The following BFSP2 variants were observed in gnomAD, a reference collection of about 807,000 sequenced individuals.
BFSP2 encodes phakinin.
Under a neutral mutation model 44.9 loss-of-function variants are expected in BFSP2, and 38 were observed. The ratio of observed to expected loss-of-function variants is 0.85; its 90% CI spans 0.65 to 1.11. The LOEUF (loss-of-function observed/expected upper bound fraction) is 1.11. Ranked by LOEUF, BFSP2 falls within the 50% of genes least tolerant of loss-of-function variation. BFSP2 has a pLI of 0.00. For missense variants in BFSP2, 525 were observed against 533.0 expected (o/e 0.99, Z 0.15); for synonymous variants, 197 against 209.9 (o/e 0.94, Z 0.53).
intron 1 of BFSP2, among the ~76,000 whole-genome samples, chr3:133,432,006 C>A (rs374516787): frequency 4.6e-5 from 7 of 151,780 alleles, no homozygotes; most frequent in Non-Finnish European, 1.0e-4. Flanking sequence ...CCCACCTTAA[C>A]CCACAAGTAT....
rs575351508 is a variant in BFSP2, at chr3:133,418,317, A to G, written c.489+17745A>G. Among the ~76,000 whole-genome samples, 7 of 152,250 alleles carry G rather than the reference A, an allele frequency of 4.6e-5. 1 individual carries two copies. The highest frequency in any genetic ancestry group is 1.7e-4 in the African/African-American group (7 of 41,542). ...CAGCTCTGAGGAGAAAGGTTAGGTG[A>G]TGGAGAGATTTATTATCACTCACCC... On this transcript the variant is annotated intron_variant, in intron 1 of 6. Coordinates refer to ENST00000302334, the MANE Select transcript of BFSP2 (RefSeq NM_003571.4).
intron 1 of BFSP2, chr3:133,429,742 A>G (rs2073690081): frequency 8.3e-6 from 1 of 120,814 alleles, no homozygotes; most frequent in Non-Finnish European, 1.7e-5. Flanking sequence ...AGATAAAAAT[A>G]CAAAATGTAA....
intron 1 of BFSP2, among the ~76,000 whole-genome samples, chr3:133,403,986 C>G (rs1342343710): frequency 1.2e-5 from 1 of 85,494 alleles, no homozygotes; most frequent in Admixed American, 1.1e-4. Context: ...GAAGGCCGTC[C>G]TGGGGAGGGG....
At chr3:133,450,019 A>AAGGAAGGAAGGAAGGAAGGAAGGG (rs1559976147) in intron 3 of BFSP2, among the ~76,000 whole-genome samples, 1 of 91,988 alleles carries the variant, frequency 1.1e-5, no homozygotes, top group African/African-American at 4.5e-5. Context: ...GGAAGGAAGG[A>AAGGAAGGAAGGAAGGAAGGAAGGG]GGGAGGGAGG....
chr3:133,421,847 G>A (rs1000728460), intron 1 of BFSP2, among the ~76,000 whole-genome samples: 14 of 152,170 alleles, frequency 9.2e-5, no homozygotes, highest in Non-Finnish European at 1.8e-4. Flanking sequence ...GGTGGCTCAC[G>A]CCCGTAATCC....
Position 133,473,414 on chromosome 3 carries a change from G to A in BFSP2, c.1244+849G>A, listed in dbSNP as rs2074184909. Among the ~76,000 whole-genome samples the A allele has an allele frequency of 3.9e-5, 5 of 128,586 alleles. No homozygotes were observed. In the South Asian group the frequency reaches 1.3e-3, roughly 34 times the overall value. The allele number at this position is 128,586 out of a possible 152,430, so 84.4% of individuals were successfully genotyped here. A position where few individuals can be genotyped will look rare whatever the true frequency, so the allele number is the denominator to read the frequency against. On this transcript the variant is annotated intron_variant, in intron 6 of 6. Coordinates refer to ENST00000302334, the MANE Select transcript of BFSP2 (RefSeq NM_003571.4). ...AACATCACATCCTCATTCCTGGCCG[G>A]AAGTGGGAGAGAAGAGGCAGCAGCA...
At chr3:133,402,621 T>C (rs980301039) in intron 1 of BFSP2, among the ~76,000 whole-genome samples, 2 of 152,042 alleles carry the variant, frequency 1.3e-5, no homozygotes, top group African/African-American at 4.8e-5. Context: ...TAAGACCAAT[T>C]GATAAAATGG....
At chr3:133,432,628 C>G (rs951174188) in intron 1 of BFSP2, among the ~76,000 whole-genome samples, 2 of 152,194 alleles carry the variant, frequency 1.3e-5, no homozygotes, top group Non-Finnish European at 2.9e-5. Flanking sequence ...ACAAGACACA[C>G]CTCTGCTCCT....
chr3:133,422,848 G>A (rs1454900038), intron 1 of BFSP2, among the ~76,000 whole-genome samples: 1 of 152,050 alleles, frequency 6.6e-6, no homozygotes, highest in African/African-American at 2.4e-5. Context: ...AGACAGCAAA[G>A]CCAACGCCTC....
intron 4 of BFSP2, among the ~76,000 whole-genome samples, chr3:133,462,631 T>A (rs2074074625): frequency 1.3e-5 from 2 of 152,256 alleles, no homozygotes; most frequent in South Asian, 4.1e-4. Flanking sequence ...TTCACAATAC[T>A]GCTTAAGGGT....
intron 1 of BFSP2, among the ~76,000 whole-genome samples, chr3:133,417,914 C>G (rs2073557801): frequency 6.8e-6 from 1 of 147,134 alleles, no homozygotes; most frequent in African/African-American, 2.5e-5. Context: ...CTACTCACCC[C>G]TGCCATCTCC....
chr3:133,432,435 C>T (rs1249105930), intron 1 of BFSP2, among the ~76,000 whole-genome samples: 2 of 152,190 alleles, frequency 1.3e-5, no homozygotes, highest in Non-Finnish European at 2.9e-5. Context: ...CCTGGACTGA[C>T]GCTGACACCC....
chr3:133,425,780 A>AAGGG (rs1559964102), intron 1 of BFSP2, among the ~76,000 whole-genome samples: 79 of 107,790 alleles, frequency 7.3e-4, no homozygotes, highest in African/African-American at 5.1e-3. Flanking sequence ...AGGGAAAGGG[A>AAGGG]AAGGGAAGGG....
chr3:133,402,141 G>T (rs983694728), intron 1 of BFSP2, among the ~76,000 whole-genome samples: 5 of 152,132 alleles, frequency 3.3e-5, no homozygotes, highest in Non-Finnish European at 5.9e-5. Context: ...ACTCCAATAT[G>T]TCAGCATCTG....
intron 6 of BFSP2, among the ~76,000 whole-genome samples, chr3:133,473,843 C>A (rs1326248903): frequency 6.6e-6 from 1 of 152,110 alleles, no homozygotes; most frequent in Non-Finnish European, 1.5e-5. Flanking sequence ...AATGAAAAGT[C>A]AAAAGGCTTT....
At chr3:133,412,197 T>C (rs1469525457) in intron 1 of BFSP2, 1 of 152,202 alleles carries the variant, frequency 6.6e-6, no homozygotes, top group African/African-American at 2.4e-5. Flanking sequence ...GGCCACGTGC[T>C]TATAATCAAG....
chr3:133,416,089 A>T (rs1576562708), intron 1 of BFSP2, among the ~76,000 whole-genome samples: 1 of 89,496 alleles, frequency 1.1e-5, no homozygotes. Flanking sequence ...CCCTCTACTC[A>T]CCCCTGCTAT....
intron 1 of BFSP2, among the ~76,000 whole-genome samples, chr3:133,423,420 C>T (rs139054777): frequency 8.5e-5 from 13 of 152,250 alleles, no homozygotes; most frequent in African/African-American, 2.9e-4. Context: ...GGTAAGCATT[C>T]GGCAAACTGT....
intron 4 of BFSP2, among the ~76,000 whole-genome samples, chr3:133,454,162 C>CT (rs909735464): frequency 6.6e-5 from 10 of 151,716 alleles, no homozygotes; most frequent in Admixed American, 1.3e-4. Context: ...AACAAAACAA[C>CT]TTTTTTTTTA....
Sources: gnomAD v4.1 joint callset for allele counts (sites outside exome capture counted in the v4.1 genomes callset) on GRCh38, gnomAD v4.1.1 for gene constraint, MANE v1.5 for transcripts, NCBI Gene and HGNC (gene_info 2026-07-23, HGNC 2026-07-21) for gene names.